KIFC3: variants seen among roughly 807,000 people sequenced by gnomAD.
KIFC3 encodes kinesin-like protein KIFC3.
In KIFC3, 60 loss-of-function variants were observed where a neutral mutation model predicts 101.8. That is an observed-to-expected ratio of 0.59 (90% confidence interval 0.48 to 0.73). The LOEUF (loss-of-function observed/expected upper bound fraction) is 0.73. Among genes scored for constraint, KIFC3 ranks in the 30% least tolerant of loss-of-function variants. The pLI is 0.00. For synonymous variants in KIFC3, 476 were observed against 482.7 expected (o/e 0.99, Z 0.18); for missense variants, 966 against 1,137.1 (o/e 0.85, Z 2.16).
chr16:57,758,417 G>A lies in KIFC3; in HGVS notation c.*517C>T, dbSNP rs556408786. ...CCGTGGCGGGAGGCCATGCGCCTCC[G>A]CACACCCCCCAGCTGCGGGAACCCT... On this transcript the variant is annotated 3_prime_UTR_variant, in exon 20 of 20. Coordinates refer to ENST00000445690, the MANE Select transcript of KIFC3 (RefSeq NM_001130100.2). 57 of 361,882 alleles carry A rather than the reference G, an allele frequency of 1.6e-4. No homozygotes were observed. The highest frequency in any genetic ancestry group is 2.5e-4 in the Non-Finnish European group (47 of 185,424). The allele number at this position is 361,882 out of a possible 1,614,324, so 22.4% of individuals were successfully genotyped here.
intron 13 of KIFC3, among the ~76,000 whole-genome samples, chr16:57,761,848 C>T (rs894305633): frequency 2.0e-5 from 3 of 152,188 alleles, no homozygotes; most frequent in African/African-American, 7.2e-5. Flanking sequence ...CCCCCCAGAA[C>T]CATCCAACCC....
intron 1 of KIFC3, 73 bp from the exon 2 acceptor site, chr16:57,798,355 C>T: frequency 7.3e-7 from 1 of 1,364,938 alleles, no homozygotes; most frequent in Non-Finnish European, 1.0e-6. Flanking sequence ...CAGAGCCAGC[C>T]ATCTGGAAGG....
chr16:57,770,057 C>T, intron 7 of KIFC3, 102 bp from the exon 8 acceptor site: 1 of 1,352,098 alleles, frequency 7.4e-7, no homozygotes. Flanking sequence ...CACATGAACA[C>T]ACATGCACAC....
At chr16:57,861,489 T>G (rs1432424047) in intron 1 of KIFC3, among the ~76,000 whole-genome samples, 1 of 152,178 alleles carries the variant, frequency 6.6e-6, no homozygotes, top group Non-Finnish European at 1.5e-5. Flanking sequence ...ATCAATCTCA[T>G]AAATGAAACA....
intron 12 of KIFC3, among the ~76,000 whole-genome samples, chr16:57,762,988 C>T (rs1555599387): frequency 6.6e-6 from 1 of 152,176 alleles, no homozygotes; most frequent in African/African-American, 2.4e-5. Flanking sequence ...TCCCAAGATG[C>T]CCCCTCAGGG....
intron 1 of KIFC3, among the ~76,000 whole-genome samples, chr16:57,812,105 G>A (rs1250370085): frequency 2.7e-5 from 4 of 148,678 alleles, no homozygotes; most frequent in African/African-American, 9.9e-5. Flanking sequence ...GCAGTGGCGC[G>A]ATCTCGGCTC....
intron 1 of KIFC3, among the ~76,000 whole-genome samples, chr16:57,801,548 G>T (rs2054722090): frequency 6.6e-6 from 1 of 152,202 alleles, no homozygotes; most frequent in Admixed American, 6.5e-5. Context: ...AGGGCATGGG[G>T]AATACACGTC....
chr16:57,813,868 T>G (rs1011550002), intron 1 of KIFC3: 150 of 985,372 alleles, frequency 1.5e-4, no homozygotes, highest in South Asian at 2.4e-4. Flanking sequence ...AGCCATGCGG[T>G]CCCTGGTAGA....
intron 3 of KIFC3, among the ~76,000 whole-genome samples, chr16:57,787,028 G>A (rs895809002): frequency 6.6e-6 from 1 of 152,270 alleles, no homozygotes; most frequent in Non-Finnish European, 1.5e-5. Context: ...TGTGTGGCCT[G>A]CACGTGATGC....
At chr16:57,842,535 C>CA (rs1361143102) in intron 1 of KIFC3, among the ~76,000 whole-genome samples, 1 of 152,172 alleles carries the variant, frequency 6.6e-6, no homozygotes, top group Non-Finnish European at 1.5e-5. Flanking sequence ...ACAACAGCAG[C>CA]AAAAATAATT....
At chr16:57,828,394 C>T (rs2055502127) in intron 1 of KIFC3, among the ~76,000 whole-genome samples, 1 of 152,242 alleles carries the variant, frequency 6.6e-6, no homozygotes, top group Admixed American at 6.5e-5. Context: ...GGGTGCTGCA[C>T]ATGGAGGCCT....
rs201607848 is a variant in KIFC3, at chr16:57,765,440, C to T, written c.1512+19G>A. ...CCTCTCTCCCTTGCTTTCCCTTTCC[C>T]GCATGGGGCCACACTCACGTCCTGC... On this transcript the variant is annotated intron_variant, in intron 11 of 19. Coordinates refer to ENST00000445690, the MANE Select transcript of KIFC3 (RefSeq NM_001130100.2). 19 of 1,557,084 alleles carry T rather than the reference C, an allele frequency of 1.2e-5. No individual in the cohort carries two copies. The highest frequency in any genetic ancestry group is 5.4e-5 in the African/African-American group (4 of 74,118).
chr16:57,766,690 G>A (rs1391994873), intron 10 of KIFC3, among the ~76,000 whole-genome samples, 184 bp downstream of exon 10: 1 of 152,158 alleles, frequency 6.6e-6, no homozygotes, highest in Non-Finnish European at 1.5e-5. Context: ...TCAAATCCAA[G>A]GCAGACCATT....
chr16:57,759,222 G>A, intron 18 of KIFC3, 69 bp from the exon 19 acceptor site: 1 of 1,525,636 alleles, frequency 6.6e-7, no homozygotes, highest in Non-Finnish European at 8.9e-7. Flanking sequence ...AGACCCTGCT[G>A]CTGCTACCCC....
At chr16:57,760,002 G>A (rs1555594405) in intron 17 of KIFC3, 166 bp from the exon 18 acceptor site, 1 of 621,430 alleles carries the variant, frequency 1.6e-6, no homozygotes, top group Non-Finnish European at 2.8e-6. Context: ...AGAATTAAAT[G>A]AGATAATTCA....
Position 57,761,424 on chromosome 16 carries a change from C to G in KIFC3, c.1861G>C (p.Asp621His). 1.2e-6 allele frequency: 2 copies of G among 1,614,006 alleles called. No homozygotes were observed. The highest frequency in any genetic ancestry group is 8.5e-7 in the Non-Finnish European group (1 of 1,179,924). Residue 621 changes from aspartate (D) to histidine (H), a missense_variant, in exon 14 of 20, where the codon GAC becomes CAC. This residue lies in a region of KIFC3 where 689 missense variants were observed against 884.6 expected (regional missense o/e 0.78). Coordinates refer to ENST00000445690, the MANE Select transcript of KIFC3 (RefSeq NM_001130100.2). ...LTEFQVQSVDDINKVFEFGHT... is the reference protein window; with the variant it reads ...LTEFQVQSVDHINKVFEFGHT... ...TCCCGCCTCCACACCTTGTTGATGT[C>G]GTCCACGCTCTGCACTTGGAACTCA...
chr16:57,773,148 G>A (rs2051506640), intron 3 of KIFC3, among the ~76,000 whole-genome samples: 1 of 152,252 alleles, frequency 6.6e-6, no homozygotes, highest in African/African-American at 2.4e-5. Context: ...GTCAGGGCAT[G>A]TTTAGTACTT....
At chr16:57,776,290 C>T (rs1449998145) in intron 3 of KIFC3, 1 of 985,388 alleles carries the variant, frequency 1.0e-6, no homozygotes, top group Non-Finnish European at 1.2e-6. Flanking sequence ...GGAGCACACC[C>T]TGTGGAGCCC....
At chr16:57,837,972 GGCCACACTGGCTTGAA>G (rs1292199673) in intron 1 of KIFC3, among the ~76,000 whole-genome samples, 1 of 152,142 alleles carries the variant, frequency 6.6e-6, no homozygotes, top group African/African-American at 2.4e-5. Context: ...ACTCCTGGTG[GGCCACACTGGCTTGAA>G]GCCACACTGG....
Sources: gnomAD v4.1 joint callset for allele counts (sites outside exome capture counted in the v4.1 genomes callset) on GRCh38, gnomAD v4.1.1 for gene constraint, gnomAD v4.1.1 regional missense constraint, MANE v1.5 for transcripts, NCBI Gene and HGNC (gene_info 2026-07-23, HGNC 2026-07-21) for gene names.